Variants in RBM33 observed in about 807,000 individuals in gnomAD.
RBM33 encodes the protein RNA binding motif protein 33.
RBM33 carries 28 observed loss-of-function variants against 132.6 expected under a neutral mutation model. The ratio of observed to expected loss-of-function variants is 0.21; its 90% confidence interval spans 0.16 to 0.29. RBM33 has a LOEUF of 0.29. Ranked by LOEUF, RBM33 falls within the 10% of genes least tolerant of loss-of-function variation. RBM33 has a pLI of 1.00. For missense variants in RBM33, 1,291 were observed against 1,518.5 expected (o/e 0.85, Z 2.49); for synonymous variants, 634 against 593.0 (o/e 1.07, Z -1.01).
intron 14 of RBM33, among the ~76,000 whole-genome samples, chr7:155,750,731 G>GT (rs34083810): frequency 0.047 from 6,620 of 140,946 alleles, 265 homozygotes; most frequent in African/African-American, 0.11. Flanking sequence ...AAAGAAAATG[G>GT]TTTTTTTTTT....
At chr7:155,764,408 C>T (rs1327778002) in intron 15 of RBM33, among the ~76,000 whole-genome samples, 2 of 152,136 alleles carry the variant, frequency 1.3e-5, no homozygotes, top group Non-Finnish European at 2.9e-5. Context: ...TGCTCATGGC[C>T]CCAGTTGAGA....
chr7:155,687,093 C>T (rs1799500134), intron 5 of RBM33, among the ~76,000 whole-genome samples: 1 of 152,206 alleles, frequency 6.6e-6, no homozygotes, highest in African/African-American at 2.4e-5. Flanking sequence ...TACAGTCCCA[C>T]CAACAGTGTA....
intron 1 of RBM33, among the ~76,000 whole-genome samples, chr7:155,646,468 A>G (rs1798197412): frequency 6.6e-6 from 1 of 152,154 alleles, no homozygotes; most frequent in Non-Finnish European, 1.5e-5. Context: ...TTTGCTCTTC[A>G]TACCAAACTC....
chr7:155,702,024 G>C (rs1397492015), intron 6 of RBM33, among the ~76,000 whole-genome samples: 1 of 152,150 alleles, frequency 6.6e-6, no homozygotes, highest in African/African-American at 2.4e-5. Flanking sequence ...ATGCAATGCT[G>C]CTCCTGCACT....
In RBM33 at chr7:155,774,865, A is replaced by G. The variant is rs1054991078; in HGVS notation, c.3465-128A>G. On this transcript the variant is annotated intron_variant, in intron 17 of 17. Coordinates refer to ENST00000401878, the MANE Select transcript of RBM33 (RefSeq NM_053043.3). The surrounding 1 kb of genome is among the most constrained non-coding windows in gnomAD (Gnocchi z 4.2). Reference sequence around the variant, plus strand: ...GTGTTTTAATAGATCTTCCCGGGGAATCTGCCTTTTTATATGATGCGTTTT... The same window carrying G: ...GTGTTTTAATAGATCTTCCCGGGGAGTCTGCCTTTTTATATGATGCGTTTT... The G allele has an allele frequency of 1.0e-4, 85 of 853,996 alleles. No homozygotes were observed. The African/African-American group carries it at 1.1e-3, about 11-fold the overall frequency. 52.9% of individuals were successfully genotyped at this position (853,996 alleles called of 1,614,324 possible).
intron 16 of RBM33, among the ~76,000 whole-genome samples, chr7:155,773,161 C>G (rs1802485976): frequency 6.6e-6 from 1 of 152,174 alleles, no homozygotes; most frequent in Non-Finnish European, 1.5e-5. Flanking sequence ...TGAACAGAAG[C>G]TCAGACACAG....
chr7:155,645,016 T>G, intron 1 of RBM33, 97 bp downstream of exon 1: 2 of 889,046 alleles, frequency 2.2e-6, no homozygotes, highest in Non-Finnish European at 3.2e-6. Flanking sequence ...GACGAGGCTC[T>G]CCCCGGCTCC....
chr7:155,725,103 A>C (rs2117002804), intron 9 of RBM33, among the ~76,000 whole-genome samples: 1 of 150,994 alleles, frequency 6.6e-6, no homozygotes, highest in African/African-American at 2.4e-5. Flanking sequence ...ATGATAGTGC[A>C]TTCACAGATG....
intron 5 of RBM33, among the ~76,000 whole-genome samples, chr7:155,683,519 A>G (rs1490352789): frequency 6.6e-6 from 1 of 152,180 alleles, no homozygotes; most frequent in Non-Finnish European, 1.5e-5. Flanking sequence ...GCTTTGGTGC[A>G]TAACAGGGAG....
At chr7:155,649,562 G>A (rs1220321611) in intron 1 of RBM33, among the ~76,000 whole-genome samples, 1 of 152,134 alleles carries the variant, frequency 6.6e-6, no homozygotes, top group Admixed American at 6.5e-5. Context: ...CTGAAAATTG[G>A]ACATTTTAAA....
At chr7:155,740,080 C>G (rs968913144) in intron 12 of RBM33, 54 bp downstream of exon 12, 68 of 1,463,276 alleles carry the variant, frequency 4.6e-5, no homozygotes, top group Non-Finnish European at 6.1e-5. Flanking sequence ...TTTTAACTTA[C>G]AGGACTTGAG....
chr7:155,716,318 T>TTTTTTTTG (rs1800461789), intron 8 of RBM33, among the ~76,000 whole-genome samples: 2 of 144,808 alleles, frequency 1.4e-5, no homozygotes, highest in East Asian at 4.1e-4. Flanking sequence ...TTTCTGCTGT[T>TTTTTTTTG]TTTTTTTTTT....
At chr7:155,707,297 C>T (rs929338258) in intron 7 of RBM33, 5 of 648,606 alleles carry the variant, frequency 7.7e-6, no homozygotes, top group Non-Finnish European at 1.5e-5. Context: ...ACCACAGATA[C>T]TTCCAGAGGA....
intron 6 of RBM33, 158 bp downstream of exon 6, chr7:155,701,102 A>G: frequency 1.6e-6 from 1 of 637,394 alleles, no homozygotes. Flanking sequence ...TGTTTATGGT[A>G]CTGTAAAACT....
chr7:155,748,133 T>G (rs1196728655), intron 14 of RBM33, among the ~76,000 whole-genome samples: 1 of 152,232 alleles, frequency 6.6e-6, no homozygotes, highest in Non-Finnish European at 1.5e-5. Context: ...GACTTGTGCA[T>G]GGCACCCATA....
intron 15 of RBM33, among the ~76,000 whole-genome samples, chr7:155,765,606 G>C (rs1337734380): frequency 6.6e-6 from 1 of 152,190 alleles, no homozygotes; most frequent in Non-Finnish European, 1.5e-5. Context: ...GATTCGGGTA[G>C]GCCATCTGGA....
intron 1 of RBM33, among the ~76,000 whole-genome samples, chr7:155,646,311 T>C (rs905749223): frequency 6.6e-6 from 1 of 152,240 alleles, no homozygotes; most frequent in Non-Finnish European, 1.5e-5. Context: ...TATCACTGAA[T>C]GTAATCCAGA....
At chr7:155,680,509 G>A in intron 4 of RBM33, 81 bp from the exon 5 acceptor site, 1 of 999,838 alleles carries the variant, frequency 1.0e-6, no homozygotes, top group Non-Finnish European at 1.4e-6. Context: ...TTAAATCTTT[G>A]TAACAGCTAT....
Position 155,718,524 on chromosome 7 carries a change from G to A in RBM33, c.1260+81G>A, listed in dbSNP as rs76032843. The A allele has an allele frequency of 1.1e-3, 1,182 of 1,120,386 alleles. 10 individuals are homozygous for A. In the African/African-American group the frequency reaches 0.016, roughly 15 times the overall value. 69.4% of individuals were successfully genotyped at this position (1,120,386 alleles called of 1,614,324 possible). A position where few individuals can be genotyped will look rare whatever the true frequency, so the allele number is the denominator to read the frequency against. ...AATATTAATATAGCAAGTGCAAGAG[G>A]TTCCAGCCAAATATAATTTTAAGGA... On this transcript the variant is annotated intron_variant, in intron 9 of 17. Transcript: ENST00000401878.
Sources: gnomAD v4.1 joint callset for allele counts (sites outside exome capture counted in the v4.1 genomes callset) on GRCh38, gnomAD v4.1.1 for gene constraint, Gnocchi (gnomAD v3.1) non-coding constraint, MANE v1.5 for transcripts, NCBI Gene and HGNC (gene_info 2026-07-23, HGNC 2026-07-21) for gene names.